PARP12: variants seen among roughly 807,000 people sequenced by gnomAD.
PARP12 encodes poly(ADP-ribose) polymerase family member 12, also known as protein mono-ADP-ribosyltransferase PARP12.
A neutral mutation model predicts 72.4 loss-of-function variants in PARP12; 59 were observed. The ratio of observed to expected loss-of-function variants is 0.81; its 90% CI spans 0.66 to 1.01. The LOEUF (loss-of-function observed/expected upper bound fraction) is 1.01. Among genes scored for constraint, PARP12 ranks in the 50% least tolerant of loss-of-function variants. The pLI is 0.00. For synonymous variants in PARP12, 403 were observed against 371.4 expected (o/e 1.09, Z -0.98); for missense variants, 851 against 914.0 (o/e 0.93, Z 0.89).
chr7:140,054,817 G>C, intron 3 of PARP12, 54 bp from the exon 4 acceptor site: 1 of 1,421,990 alleles, frequency 7.0e-7, no homozygotes, highest in Non-Finnish European at 9.9e-7. Flanking sequence ...GTATAAAAGA[G>C]AGTTAAAGAG....
intron 1 of PARP12, 120 bp from the exon 2 acceptor site, chr7:140,058,154 A>G (rs1165785560): frequency 1.8e-6 from 2 of 1,139,836 alleles, no homozygotes; most frequent in Non-Finnish European, 2.5e-6. Flanking sequence ...GTCTCTAAAG[A>G]GGTAATTAAG....
At chr7:140,036,943 G>A (rs150666014) in intron 7 of PARP12, among the ~76,000 whole-genome samples, 2 of 152,276 alleles carry the variant, frequency 1.3e-5, no homozygotes, top group East Asian at 1.9e-4. Flanking sequence ...CACCATGAGT[G>A]CACGAAAATC....
chr7:140,049,182 G>C lies in PARP12; in HGVS notation c.863-2175C>G, dbSNP rs1286076809. Among the ~76,000 whole-genome samples the C allele has an allele frequency of 2.0e-5, 3 of 152,290 alleles. No individual in the cohort carries two copies. In the East Asian group the frequency reaches 5.8e-4, roughly 29 times the overall value. On this transcript the variant is annotated intron_variant, in intron 4 of 11. Coordinates refer to ENST00000263549, the MANE Select transcript of PARP12 (RefSeq NM_022750.4). ...GATCAGGTATGGGGCCGAGCAGACA[G>C]GGCAGAAGAGAGTGCCAGGCTGAGA...
At position 140,027,271 on chromosome 7, in the gene PARP12, C is replaced by A; in HGVS notation, c.1628+5G>T. 1.2e-6 allele frequency: 2 copies of A among 1,612,876 alleles called. No individual in the cohort carries two copies. The highest frequency in any genetic ancestry group is 1.1e-5 in the South Asian group (1 of 91,020). On this transcript the variant is annotated splice_donor_5th_base_variant and intron_variant, in intron 10 of 11. Transcript: ENST00000263549. ...CCAGCCCACCAAGAGCGAGCCCCAA[C>A]GCACCACTGGTAGACTTCCCAGAGG...
At position 140,037,875 on chromosome 7, in the gene PARP12, C is replaced by A. The variant is rs148416214; in HGVS notation, c.1183-19G>T. ...CCGTGCCCTGCGATGGAAAGCCAGA[C>A]ACTTTATGAAGGCAAGAAACTGCGT... On this transcript the variant is annotated intron_variant, in intron 6 of 11. Transcript: ENST00000263549. 6.3e-7 allele frequency: 1 copy of A among 1,599,270 alleles called. No individual in the cohort carries two copies. Among genetic ancestry groups the A allele is most frequent in the South Asian group, 1.1e-5 (1 of 90,612 alleles).
At chr7:140,054,856 GGCAAC>G in intron 3 of PARP12, 93 bp from the exon 4 acceptor site, 1 of 1,073,872 alleles carries the variant, frequency 9.3e-7, no homozygotes. Context: ...CACAAAAGTG[GGCAAC>G]GCAAGCTCAC....
At chr7:140,027,525 G>T in intron 9 of PARP12, 119 bp from the exon 10 acceptor site, 2 of 1,243,612 alleles carry the variant, frequency 1.6e-6, no homozygotes, top group Non-Finnish European at 2.3e-6. Context: ...AGAGAGCAGT[G>T]ACCACATTCT....
rs922133252 is a variant in PARP12, at chr7:140,041,834, A to C, written c.992T>G (p.Leu331Arg). The change falls in exon 6 of 12, where the codon CTG (leucine) becomes CGG (arginine). Residue 331 changes from leucine (L) to arginine (R), a missense_variant. Physicochemically the swap from Leu to Arg is moderately radical, Grantham distance 102. This residue lies in a region of PARP12 where 492 missense variants were observed against 489.3 expected (regional missense o/e 1.01). Transcript: ENST00000263549. ...AAAGGTACTGGCTGACTCAGAGCAC[A>C]GGATCCTACAGAAGAAAAACAGCAG... ...AYCNPKIERILCSESASTFHS... is the reference protein window; with the variant it reads ...AYCNPKIERIRCSESASTFHS... The C allele has an allele frequency of 1.2e-6, 2 of 1,610,458 alleles. No individual in the cohort carries two copies. Among genetic ancestry groups the C allele is most frequent in the Non-Finnish European group, 1.7e-6 (2 of 1,177,738 alleles).
At chr7:140,042,667 G>A (rs1816532439) in intron 5 of PARP12, among the ~76,000 whole-genome samples, 1 of 152,212 alleles carries the variant, frequency 6.6e-6, no homozygotes, top group Non-Finnish European at 1.5e-5. Context: ...GGGGACTGGA[G>A]AGGGGACTTG....
chr7:140,039,566 C>G (rs1206870540), intron 6 of PARP12, among the ~76,000 whole-genome samples: 1 of 152,170 alleles, frequency 6.6e-6, no homozygotes, highest in Non-Finnish European at 1.5e-5. Flanking sequence ...ATGACAGATT[C>G]CCACATGTCC....
rs771955718 is a variant in PARP12 at position 140,024,608 on chromosome 7, T to C, written c.2058A>G (p.Thr686=). Residue 686 remains threonine, a synonymous_variant, in exon 12 of 12, where the codon ACA becomes ACG. Coordinates refer to ENST00000263549, the MANE Select transcript of PARP12 (RefSeq NM_022750.4). ...AGCCCAAGGCCAGCAGGATGGAGGG[T>C]GTGACCGAGGGCTTGGAGGAGGTGG... ...QYTTSSKPSV[T]PSILLALGSL... is the part of the protein sequence containing the mutation. The C allele has an allele frequency of 6.2e-7, 1 of 1,613,968 alleles. No individual in the cohort carries two copies. The highest frequency in any genetic ancestry group is 8.5e-7 in the Non-Finnish European group (1 of 1,179,980).
chr7:140,062,443 T>A, intron 1 of PARP12, 79 bp downstream of exon 1: 1 of 1,375,986 alleles, frequency 7.3e-7, no homozygotes, highest in Non-Finnish European at 9.6e-7. Flanking sequence ...AAACTTCAAG[T>A]AGGACCCCCA....
Position 140,024,815 on chromosome 7 carries a change from C to G in PARP12, c.1851G>C (p.Met617Ile), listed in dbSNP as rs1255914816. The G allele has an allele frequency of 6.2e-7, 1 of 1,614,184 alleles. No individual in the cohort carries two copies. Among genetic ancestry groups the G allele is most frequent in the Admixed American group, 1.7e-5 (1 of 60,030 alleles). The change falls in exon 12 of 12, where the codon ATG (methionine) becomes ATC (isoleucine). Residue 617 changes from methionine to isoleucine, a missense_variant. By Grantham distance (10) the Met-to-Ile change is conservative. Transcript: ENST00000263549. ...CGCCCACCAGCACCCGGGCCAGGAACATCGTGTGGGTCTGCGTGTCGGATT... is the reference window on the plus strand; with the variant it reads ...CGCCCACCAGCACCCGGGCCAGGAAGATCGTGTGGGTCTGCGTGTCGGATT... Reference protein sequence around the residue: ...YSKSDTQTHTMFLARVLVGEF... With the variant: ...YSKSDTQTHTIFLARVLVGEF...
chr7:140,051,645 C>T lies in PARP12; in HGVS notation c.862+3017G>A, dbSNP rs138548521. On this transcript the variant is annotated intron_variant, in intron 4 of 11. Transcript: ENST00000263549. ...ACCTCAAGTGATCCACCTGCCTCGGCCTCTCAAAGTGCTGAGATTACAGGC... is the reference window on the plus strand; with the variant it reads ...ACCTCAAGTGATCCACCTGCCTCGGTCTCTCAAAGTGCTGAGATTACAGGC... Among the ~76,000 whole-genome samples the T allele has an allele frequency of 2.0e-4, 30 of 152,298 alleles. No individual in the cohort carries two copies. The East Asian group carries it at 5.6e-3, about 28-fold the overall frequency.
At chr7:140,058,959 G>C (rs560567095) in intron 1 of PARP12, among the ~76,000 whole-genome samples, 1 of 152,188 alleles carries the variant, frequency 6.6e-6, no homozygotes, top group East Asian at 1.9e-4. Flanking sequence ...GCCGGGCGAG[G>C]TGGTGCATGC....
rs2116665527 is a variant in PARP12 at position 140,057,466 on chromosome 7, T to A, written c.463-313A>T. 9.4e-6 allele frequency: 4 copies of A among 425,316 alleles called. No individual in the cohort carries two copies. In the East Asian group the frequency reaches 1.7e-4, roughly 18 times the overall value. 26.3% of individuals were successfully genotyped at this position (425,316 alleles called of 1,614,324 possible). ...ATCAAATGGCTACATCCTAAGGACC[T>A]CTACAATCTACCTATACTCTTCCCA... is the stretch of plus-strand genomic sequence containing the variant. On this transcript the variant is annotated intron_variant, in intron 2 of 11. Transcript: ENST00000263549.
intron 1 of PARP12, among the ~76,000 whole-genome samples, chr7:140,061,202 T>C (rs12703517): frequency 6.6e-6 from 1 of 152,162 alleles, no homozygotes. Context: ...TTCTGGTCAA[T>C]GGGATGTGGG....
Position 140,062,897 on chromosome 7 carries a change from C to G in PARP12, c.-50G>C. ...ACCGCGGGTGGCGCGACGCGGACGGCGGCGGACGCTGGCTGGCGGGCGGCT... is the reference window on the plus strand; with the variant it reads ...ACCGCGGGTGGCGCGACGCGGACGGGGGCGGACGCTGGCTGGCGGGCGGCT... On this transcript the variant is annotated 5_prime_UTR_variant, in exon 1 of 12. Transcript: ENST00000263549. 2 of 1,217,054 alleles carry G rather than the reference C, an allele frequency of 1.6e-6. No individual in the cohort carries two copies. The highest frequency in any genetic ancestry group is 2.0e-6 in the Non-Finnish European group (2 of 976,666). The allele number at this position is 1,217,054 out of a possible 1,614,324, so 75.4% of individuals were successfully genotyped here.
intron 1 of PARP12, among the ~76,000 whole-genome samples, chr7:140,060,918 C>T (rs1220481522): frequency 6.6e-6 from 1 of 152,216 alleles, no homozygotes; most frequent in Non-Finnish European, 1.5e-5. Context: ...CCCTGGCCTT[C>T]CTCCCAAGCT....
Sources: gnomAD v4.1 joint callset for allele counts (sites outside exome capture counted in the v4.1 genomes callset) on GRCh38, gnomAD v4.1.1 for gene constraint, gnomAD v4.1.1 regional missense constraint, MANE v1.5 for transcripts, NCBI Gene and HGNC (gene_info 2026-07-23, HGNC 2026-07-21) for gene names.